CATSPERE: variants seen among roughly 807,000 people sequenced by gnomAD.
The protein encoded by CATSPERE is cation channel sperm-associated auxiliary subunit epsilon.
In CATSPERE, 93 loss-of-function variants were observed where a neutral mutation model predicts 114.1. The ratio of observed to expected loss-of-function variants is 0.81; its 90% CI spans 0.69 to 0.97. The LOEUF is 0.97. CATSPERE is among the 50% of genes least tolerant of loss of function. CATSPERE has a pLI of 0.00. For missense variants in CATSPERE, 1,058 were observed against 1,131.6 expected, an observed-to-expected ratio of 0.93 and a Z score of 0.93; for synonymous variants, 341 against 384.1, an observed-to-expected ratio of 0.89 and a Z score of 1.31.
intron 7 of CATSPERE, among the ~76,000 whole-genome samples, chr1:244,509,104 G>C (rs1158079537): frequency 6.7e-6 from 1 of 149,916 alleles, no homozygotes; most frequent in Non-Finnish European, 1.5e-5. Flanking sequence ...ATATTATGTT[G>C]AATAGGAGTG....
chr1:244,474,455 A>G (rs994488880), intron 2 of CATSPERE, among the ~76,000 whole-genome samples: 8 of 151,390 alleles, frequency 5.3e-5, no homozygotes, highest in Non-Finnish European at 1.0e-4. Flanking sequence ...CAATTTTTCA[A>G]TTTCATGTAT....
chr1:244,620,079 C>T (rs1671898135), intron 20 of CATSPERE, among the ~76,000 whole-genome samples: 1 of 152,010 alleles, frequency 6.6e-6, no homozygotes, highest in South Asian at 2.1e-4. Flanking sequence ...GGAATTAGGA[C>T]CTAAAGTCAG....
Position 244,479,719 on chromosome 1 carries a change from T to G in CATSPERE, c.261T>G (p.Asp87Glu), listed in dbSNP as rs758297954. The G allele has an allele frequency of 6.3e-7, 1 of 1,592,152 alleles. No homozygotes were observed. The highest frequency in any genetic ancestry group is 8.6e-7 in the Non-Finnish European group (1 of 1,164,520). The change falls in exon 5 of 22, where the codon GAT (aspartate) becomes GAG (glutamate). Residue 87 changes from aspartate (D) to glutamate (E), a missense_variant and splice_region_variant. Asp to Glu is a conservative substitution (Grantham distance 45). Coordinates refer to ENST00000366534, the MANE Select transcript of CATSPERE (RefSeq NM_001130957.2). Reference protein sequence around the residue: ...HAIKPIVTGPDEEERYLFVES... With the variant: ...HAIKPIVTGPEEEERYLFVES... ...GTTTCTTTTGCATTTTCTTTTAGGA[T>G]GAAGAAGAACGCTATTTATTTGTGG...
At chr1:244,606,853 C>T (rs1463660090) in intron 18 of CATSPERE, among the ~76,000 whole-genome samples, 1 of 152,094 alleles carries the variant, frequency 6.6e-6, no homozygotes, top group African/African-American at 2.4e-5. Context: ...CCACCCGCCT[C>T]GGCCTCGCAA....
At chr1:244,590,516 A>G (rs1366562359) in intron 14 of CATSPERE, among the ~76,000 whole-genome samples, 1 of 152,224 alleles carries the variant, frequency 6.6e-6, no homozygotes, top group African/African-American at 2.4e-5. Context: ...TTGTACAGCT[A>G]GCACCACTAT....
intron 20 of CATSPERE, among the ~76,000 whole-genome samples, chr1:244,623,497 G>A (rs1014848353): frequency 2.0e-5 from 3 of 152,134 alleles, no homozygotes; most frequent in African/African-American, 7.2e-5. Flanking sequence ...TTGTAGAAAA[G>A]GCAAATTCAA....
rs572919789 is a variant in CATSPERE, at chr1:244,479,580, A to G, written c.259-137A>G. ...TATAAATATTTAAATATATATTTAA[A>G]TTCTATTCTGAACTTTATTCTGCTT... On this transcript the variant is annotated intron_variant, in intron 4 of 21. Coordinates refer to ENST00000366534, the MANE Select transcript of CATSPERE (RefSeq NM_001130957.2). 5.0e-5 allele frequency: 19 copies of G among 380,644 alleles called. No individual in the cohort carries two copies. In the South Asian group the frequency reaches 1.7e-3, roughly 35 times the overall value. 23.6% of individuals were successfully genotyped at this position (380,644 alleles called of 1,614,324 possible).
At chr1:244,515,825 T>A (rs982215203) in intron 7 of CATSPERE, among the ~76,000 whole-genome samples, 3 of 150,794 alleles carry the variant, frequency 2.0e-5, no homozygotes, top group Admixed American at 1.3e-4. Context: ...ACAATACTAT[T>A]ATAATATTTT....
At chr1:244,528,792 C>CAA (rs1280200675) in intron 8 of CATSPERE, among the ~76,000 whole-genome samples, 2 of 134,682 alleles carry the variant, frequency 1.5e-5, no homozygotes, top group Non-Finnish European at 3.4e-5. Context: ...CCACCACACA[C>CAA]ACACACACAC....
chr1:244,502,944 C>T (rs1674292240), intron 7 of CATSPERE, among the ~76,000 whole-genome samples: 1 of 152,128 alleles, frequency 6.6e-6, no homozygotes, highest in African/African-American at 2.4e-5. Context: ...TTGTTAACTC[C>T]TGGTACTTCC....
chr1:244,540,535 C>T (rs1212032525), intron 8 of CATSPERE, among the ~76,000 whole-genome samples: 4 of 142,424 alleles, frequency 2.8e-5, no homozygotes, highest in East Asian at 4.4e-4. Flanking sequence ...ACATTCCATG[C>T]TCATGGGTAG....
rs192515603 is a variant in CATSPERE, at chr1:244,503,501, T to C, written c.429+4422T>C. The stretch of plus-strand genomic sequence containing the variant: ...ATCTGCCATCACGTTTACCCTCTTA[T>C]CAATATATTCCCTCTTTTTATCTCT... On this transcript the variant is annotated intron_variant, in intron 7 of 21. Coordinates refer to ENST00000366534, the MANE Select transcript of CATSPERE (RefSeq NM_001130957.2). 2.3e-3 allele frequency among the ~76,000 whole-genome samples: 347 copies of C among 152,340 alleles called. 2 individuals carry two copies. Among genetic ancestry groups the C allele is most frequent in the African/African-American group, 8.2e-3 (341 of 41,576 alleles).
chr1:244,586,876 C>G (rs1667101974), intron 13 of CATSPERE, among the ~76,000 whole-genome samples: 3 of 152,104 alleles, frequency 2.0e-5, no homozygotes. Context: ...GAACCAGGAC[C>G]CTGGTTACAA....
intron 10 of CATSPERE, among the ~76,000 whole-genome samples, chr1:244,562,153 CAAAA>C (rs11313998): frequency 2.4e-4 from 17 of 70,148 alleles, no homozygotes; most frequent in African/African-American, 7.1e-4. Flanking sequence ...GATCCTGTCT[CAAAA>C]AAAAAAAAAA....
At chr1:244,585,006 C>T (rs183248263) in intron 13 of CATSPERE, among the ~76,000 whole-genome samples, 1 of 152,314 alleles carries the variant, frequency 6.6e-6, no homozygotes, top group African/African-American at 2.4e-5. Context: ...TGCTTTTACC[C>T]TCTTCCTTTA....
At chr1:244,478,220 A>G (rs1048100414) in intron 4 of CATSPERE, among the ~76,000 whole-genome samples, 8 of 152,210 alleles carry the variant, frequency 5.3e-5, no homozygotes, top group African/African-American at 1.9e-4. Flanking sequence ...ATTACTAAGT[A>G]TGTTAAAGTT....
chr1:244,605,282 A>G (rs1222495128), intron 17 of CATSPERE, among the ~76,000 whole-genome samples: 1 of 152,144 alleles, frequency 6.6e-6, no homozygotes, highest in Non-Finnish European at 1.5e-5. Context: ...TCCATCCATC[A>G]CATCCTTCCG....
intron 7 of CATSPERE, chr1:244,515,411 GA>G (rs777099725): frequency 1.8e-4 from 128 of 700,068 alleles, no homozygotes; most frequent in Non-Finnish European, 2.0e-4. Flanking sequence ...GTGTAGTTTT[GA>G]ACATATTGGT....
intron 2 of CATSPERE, among the ~76,000 whole-genome samples, chr1:244,473,512 A>G (rs748446080): frequency 1.3e-5 from 2 of 152,086 alleles, no homozygotes; most frequent in Non-Finnish European, 2.9e-5. Context: ...ATCTTTTATC[A>G]GATATGAGTA....
Sources: allele counts gnomAD v4.1 joint callset (sites outside exome capture counted in the v4.1 genomes callset), GRCh38; gene constraint gnomAD v4.1.1; transcripts MANE v1.5; gene names NCBI Gene and HGNC (gene_info 2026-07-23, HGNC 2026-07-21).